The following ADCY2 variants were observed in gnomAD, a reference collection of about 807,000 sequenced individuals.
The protein encoded by ADCY2 is adenylate cyclase type 2.
In ADCY2, 31 loss-of-function variants were observed where a neutral mutation model predicts 125.2. That is an observed-to-expected ratio of 0.25 (90% CI 0.19 to 0.33). The LOEUF (loss-of-function observed/expected upper bound fraction) is 0.33. ADCY2 is among the 10% of genes least tolerant of loss of function. The pLI, the probability that ADCY2 is intolerant of heterozygous loss-of-function variation, is 1.00. For synonymous variants in ADCY2, 512 were observed against 548.4 expected, an observed-to-expected ratio of 0.93 and a Z score of 0.93; for missense variants, 904 against 1,418.2, an observed-to-expected ratio of 0.64 and a Z score of 5.82.
At chr5:7,557,017 T>C (rs1735526715) in intron 3 of ADCY2, among the ~76,000 whole-genome samples, 1 of 151,992 alleles carries the variant, frequency 6.6e-6, no homozygotes, top group South Asian at 2.1e-4. Flanking sequence ...TTAAAAATTT[T>C]ATTTGTGCAA....
At chr5:7,792,377 A>G (rs1049051532) in intron 20 of ADCY2, among the ~76,000 whole-genome samples, 1 of 152,130 alleles carries the variant, frequency 6.6e-6, no homozygotes, top group African/African-American at 2.4e-5. Context: ...CTCAGCAACA[A>G]GAGCGAAACT....
At chr5:7,726,413 T>C (rs2126399274) in intron 13 of ADCY2, among the ~76,000 whole-genome samples, 1 of 152,284 alleles carries the variant, frequency 6.6e-6, no homozygotes, top group East Asian at 1.9e-4. Flanking sequence ...AAGCAGGGAA[T>C]GCAGGGCACT....
intron 3 of ADCY2, among the ~76,000 whole-genome samples, chr5:7,598,905 G>A (rs1195698601): frequency 6.6e-6 from 1 of 152,228 alleles, no homozygotes; most frequent in African/African-American, 2.4e-5. Flanking sequence ...GGAATCCATG[G>A]TGGACTTCAG....
intron 4 of ADCY2, among the ~76,000 whole-genome samples, chr5:7,642,688 A>C (rs1409602537): frequency 2.6e-5 from 4 of 152,150 alleles, no homozygotes; most frequent in Non-Finnish European, 5.9e-5. Flanking sequence ...GTCAACATTA[A>C]ATAAAAAATT....
intron 2 of ADCY2, among the ~76,000 whole-genome samples, chr5:7,474,035 A>G (rs1742433114): frequency 6.6e-6 from 1 of 152,158 alleles, no homozygotes; most frequent in Non-Finnish European, 1.5e-5. Flanking sequence ...GTCTTTCTTA[A>G]GATTTTAGGC....
At chr5:7,469,688 C>T (rs1054863373) in intron 2 of ADCY2, among the ~76,000 whole-genome samples, 17 of 151,212 alleles carry the variant, frequency 1.1e-4, no homozygotes, top group African/African-American at 4.1e-4. Flanking sequence ...GTTTTTTTGC[C>T]TGTTCATTCT....
chr5:7,496,864 A>G (rs1438023594), intron 2 of ADCY2, among the ~76,000 whole-genome samples: 2 of 152,216 alleles, frequency 1.3e-5, no homozygotes, highest in East Asian at 3.8e-4. Flanking sequence ...TTATATGAAT[A>G]TATCAGCAAT....
intron 19 of ADCY2, among the ~76,000 whole-genome samples, 191 bp downstream of exon 19, chr5:7,784,640 T>G (rs1263867868): frequency 6.6e-6 from 1 of 152,188 alleles, no homozygotes; most frequent in Non-Finnish European, 1.5e-5. Flanking sequence ...AAAATATCTT[T>G]CGTATTTTCC....
At chr5:7,696,039 G>T (rs952354279) in intron 6 of ADCY2, among the ~76,000 whole-genome samples, 176 bp downstream of exon 6, 11 of 152,030 alleles carry the variant, frequency 7.2e-5, no homozygotes, top group Non-Finnish European at 1.5e-4. Flanking sequence ...CCTGTCTCAG[G>T]GATGAAAAAA....
At chr5:7,692,694 G>C (rs1403295486) in intron 5 of ADCY2, among the ~76,000 whole-genome samples, 1 of 152,016 alleles carries the variant, frequency 6.6e-6, no homozygotes, top group Non-Finnish European at 1.5e-5. Context: ...TGACCCCTTG[G>C]CCTTGTCCTC....
chr5:7,539,346 G>A (rs1371046962), intron 3 of ADCY2, among the ~76,000 whole-genome samples: 2 of 147,364 alleles, frequency 1.4e-5, no homozygotes, highest in African/African-American at 5.0e-5. Context: ...CTACCAAAAT[G>A]CATGGGATTA....
At chr5:7,430,170 A>C (rs999293877) in intron 2 of ADCY2, among the ~76,000 whole-genome samples, 1 of 152,166 alleles carries the variant, frequency 6.6e-6, no homozygotes, top group Non-Finnish European at 1.5e-5. Context: ...GAAATAGATA[A>C]ATGAAATAGC....
intron 20 of ADCY2, 35 bp downstream of exon 20, chr5:7,789,835 G>A: frequency 7.8e-7 from 1 of 1,285,634 alleles, no homozygotes. Context: ...GGGGGAGGGG[G>A]CTGGATGCCA....
chr5:7,613,544 AT>A (rs1737647198), intron 3 of ADCY2, among the ~76,000 whole-genome samples: 1 of 152,084 alleles, frequency 6.6e-6, no homozygotes, highest in South Asian at 2.1e-4. Flanking sequence ...ACAAATTCCA[AT>A]TTCCATGACC....
At chr5:7,816,343 T>C (rs1336684261) in intron 22 of ADCY2, among the ~76,000 whole-genome samples, 2 of 152,226 alleles carry the variant, frequency 1.3e-5, no homozygotes, top group Admixed American at 6.5e-5. Context: ...AAGCCTGCGG[T>C]GAGCAGGGAA....
intron 6 of ADCY2, among the ~76,000 whole-genome samples, chr5:7,696,276 G>A (rs1319488359): frequency 6.6e-6 from 1 of 152,078 alleles, no homozygotes; most frequent in East Asian, 1.9e-4. Context: ...TGTTAAGCAG[G>A]ACCCTGGAAG....
chr5:7,667,319 G>A (rs1011854696), intron 4 of ADCY2, among the ~76,000 whole-genome samples: 2 of 152,112 alleles, frequency 1.3e-5, no homozygotes, highest in African/African-American at 4.8e-5. Context: ...ATATGTAGAT[G>A]TTTTGCAAAG....
intron 16 of ADCY2, among the ~76,000 whole-genome samples, chr5:7,759,898 G>A (rs1410457287): frequency 1.6e-5 from 2 of 123,662 alleles, no homozygotes; most frequent in Non-Finnish European, 3.2e-5. Context: ...TATTCTGCCT[G>A]AAGAATAGGG....
chr5:7,588,208 T>C (rs1423785129), intron 3 of ADCY2, among the ~76,000 whole-genome samples: 1 of 152,158 alleles, frequency 6.6e-6, no homozygotes, highest in Non-Finnish European at 1.5e-5. Flanking sequence ...TAAAATGGAA[T>C]GTTTTGGAAA....
Sources: gnomAD v4.1 joint callset for allele counts (sites outside exome capture counted in the v4.1 genomes callset) on GRCh38, gnomAD v4.1.1 for gene constraint, MANE v1.5 for transcripts, NCBI Gene and HGNC (gene_info 2026-07-23, HGNC 2026-07-21) for gene names.